PEMT: variants seen among roughly 807,000 people sequenced by gnomAD.
PEMT encodes phosphatidylethanolamine N-methyltransferase.
Under a neutral mutation model 27.4 loss-of-function variants are expected in PEMT, and 23 were observed. The observed-to-expected ratio is 0.84, with a 90% CI of 0.60 to 1.19. PEMT has a LOEUF of 1.19. PEMT is among the 50% of genes most tolerant of loss of function. The pLI, the probability that PEMT is intolerant of heterozygous loss-of-function variation, is 0.00. For synonymous variants in PEMT, 137 were observed against 139.1 expected (o/e 0.98, Z 0.11); for missense variants, 307 against 310.1 (o/e 0.99, Z 0.07).
chr17:17,563,385 C>T (rs1003098782), intron 2 of PEMT, among the ~76,000 whole-genome samples: 1 of 152,102 alleles, frequency 6.6e-6, no homozygotes. Context: ...TAACCGCATC[C>T]GCAGGGGCCC....
intron 2 of PEMT, among the ~76,000 whole-genome samples, chr17:17,574,694 AAC>A (rs1402863268): frequency 6.6e-6 from 1 of 152,180 alleles, no homozygotes; most frequent in African/African-American, 2.4e-5. Flanking sequence ...TCACTTTAAA[AAC>A]ACACTGTTGG....
chr17:17,537,158 G>A (rs968293802), intron 2 of PEMT, among the ~76,000 whole-genome samples: 5 of 152,218 alleles, frequency 3.3e-5, no homozygotes, highest in Non-Finnish European at 5.9e-5. Context: ...TACACAGATG[G>A]CTCTGTCCTG....
At chr17:17,589,022 G>A (rs118097452) in intron 1 of PEMT, among the ~76,000 whole-genome samples, 2,448 of 152,370 alleles carry the variant, frequency 0.016, 50 homozygotes, top group South Asian at 0.085. Flanking sequence ...GTGCAATGGC[G>A]TGATATCAGC....
chr17:17,583,198 G>A (rs1377094505), intron 1 of PEMT, among the ~76,000 whole-genome samples: 1 of 152,086 alleles, frequency 6.6e-6, no homozygotes, highest in African/African-American at 2.4e-5. Flanking sequence ...ACAACATGGT[G>A]ACACTCCGTC....
At chr17:17,532,903 C>T (rs1567691242) in intron 2 of PEMT, among the ~76,000 whole-genome samples, 1 of 152,068 alleles carries the variant, frequency 6.6e-6, no homozygotes, top group Admixed American at 6.6e-5. Context: ...GGTGGGCATA[C>T]GTAATCCCAG....
intron 1 of PEMT, among the ~76,000 whole-genome samples, chr17:17,583,577 C>A (rs996259752): frequency 6.6e-6 from 1 of 152,092 alleles, no homozygotes; most frequent in African/African-American, 2.4e-5. Flanking sequence ...GCAAGCCTCC[C>A]ATGACCAATC....
chr17:17,527,968 AC>A (rs943605980), intron 2 of PEMT, among the ~76,000 whole-genome samples: 10 of 151,698 alleles, frequency 6.6e-5, no homozygotes, highest in Non-Finnish European at 1.3e-4. Context: ...CACAGCCAGG[AC>A]CCCCCCACCA....
intron 3 of PEMT, among the ~76,000 whole-genome samples, chr17:17,520,202 C>T (rs1476912501): frequency 3.9e-5 from 6 of 152,186 alleles, no homozygotes; most frequent in Non-Finnish European, 8.8e-5. Flanking sequence ...GCACAGACCC[C>T]TGACTGTCCT....
chr17:17,541,770 C>A (rs1355389729), intron 2 of PEMT, among the ~76,000 whole-genome samples: 1 of 152,252 alleles, frequency 6.6e-6, no homozygotes, highest in African/African-American at 2.4e-5. Flanking sequence ...GTGTCTGCAG[C>A]CAGCACAGCT....
intron 2 of PEMT, among the ~76,000 whole-genome samples, chr17:17,550,739 C>T (rs924826052): frequency 2.6e-5 from 4 of 152,164 alleles, no homozygotes; most frequent in Non-Finnish European, 5.9e-5. Flanking sequence ...CTGGACAGGA[C>T]GCCGTTCCAT....
At position 17,581,614 on chromosome 17, in the gene PEMT, G is replaced by A. The variant is rs948898012; in HGVS notation, c.97-4587C>T. 3.9e-5 allele frequency among the ~76,000 whole-genome samples: 6 copies of A among 152,286 alleles called. No homozygotes were observed. The East Asian group carries it at 1.2e-3, about 29-fold the overall frequency. ...ACTGAAAGATTAAGCAACTAACACTGGGGGAACCCAGCAGCAGCTGACATC... is the reference window on the plus strand; with the variant it reads ...ACTGAAAGATTAAGCAACTAACACTAGGGGAACCCAGCAGCAGCTGACATC... On this transcript the variant is annotated intron_variant, in intron 1 of 6. Coordinates refer to ENST00000255389, the MANE Select transcript of PEMT (RefSeq NM_148172.3).
chr17:17,514,897 G>A (rs371734784), intron 3 of PEMT, among the ~76,000 whole-genome samples: 4 of 152,226 alleles, frequency 2.6e-5, no homozygotes, highest in East Asian at 3.9e-4. Flanking sequence ...GTTGGGAGGG[G>A]CGAACAGGGG....
chr17:17,570,810 T>C, intron 2 of PEMT: 6 of 985,398 alleles, frequency 6.1e-6, no homozygotes, highest in Non-Finnish European at 7.2e-6. Flanking sequence ...CTGCTGGTGA[T>C]CTGGCGGGGG....
chr17:17,591,930 T>G, upstream of PEMT: 1 of 985,350 alleles, frequency 1.0e-6, no homozygotes, highest in Non-Finnish European at 1.2e-6. Context: ...CCCAGTGCCT[T>G]TGGTCGCCGG....
intron 2 of PEMT, among the ~76,000 whole-genome samples, chr17:17,542,315 A>G (rs1287140260): frequency 6.6e-6 from 1 of 152,252 alleles, no homozygotes. Flanking sequence ...CACCGTGCCA[A>G]GCAACCTGGT....
At chr17:17,588,525 C>G (rs970005231) in intron 1 of PEMT, among the ~76,000 whole-genome samples, 1 of 152,132 alleles carries the variant, frequency 6.6e-6, no homozygotes, top group Non-Finnish European at 1.5e-5. Context: ...CTTTACACCC[C>G]TCATCTCATT....
rs765020193 is a variant in PEMT at position 17,591,601 on chromosome 17, G to C, written c.26C>G (p.Ala9Gly). MKRSGNPG[A>G]EVTNSSVAGP... ...TGCCACCGAGCTGTTCGTTACCTCGGCTCCCGGGTTCCCAGATCTCTTCAT... is the reference window on the plus strand; with the variant it reads ...TGCCACCGAGCTGTTCGTTACCTCGCCTCCCGGGTTCCCAGATCTCTTCAT... Residue 9 changes from alanine to glycine, a missense_variant, in exon 1 of 7, where the codon GCC (alanine) becomes GGC (glycine). Physicochemically the swap from Ala to Gly is moderately conservative, Grantham distance 60. Coordinates refer to ENST00000255389, the MANE Select transcript of PEMT (RefSeq NM_148172.3). 4 of 1,613,160 alleles carry C rather than the reference G, an allele frequency of 2.5e-6. No homozygotes were observed. In the African/African-American group the frequency reaches 5.3e-5, roughly 22 times the overall value.
chr17:17,509,774 C>A (rs1049175765), intron 4 of PEMT, among the ~76,000 whole-genome samples: 4 of 152,190 alleles, frequency 2.6e-5, no homozygotes, highest in South Asian at 2.1e-4. Flanking sequence ...ACCGCCCCTG[C>A]CCCACTGCTC....
chr17:17,559,984 AC>A (rs1428549179), intron 2 of PEMT, among the ~76,000 whole-genome samples: 1 of 152,092 alleles, frequency 6.6e-6, no homozygotes, highest in African/African-American at 2.4e-5. Context: ...CGGCTACTCT[AC>A]CCCACCTAAG....
Sources: gnomAD v4.1 joint callset for allele counts (sites outside exome capture counted in the v4.1 genomes callset) on GRCh38, gnomAD v4.1.1 for gene constraint, MANE v1.5 for transcripts, NCBI Gene and HGNC (gene_info 2026-07-23, HGNC 2026-07-21) for gene names.